The following TMC4 variants were observed in gnomAD, a reference collection of about 807,000 sequenced individuals.
The protein encoded by TMC4 is transmembrane channel like 4, also known as voltage-gated chloride channel TMC4.
In TMC4, 70 loss-of-function variants were observed where a neutral mutation model predicts 82.0. The ratio of observed to expected loss-of-function variants is 0.85; its 90% CI spans 0.70 to 1.04. TMC4 has a LOEUF of 1.04. Ranked by LOEUF, TMC4 falls within the 50% of genes least tolerant of loss-of-function variation. The pLI, the probability that TMC4 is intolerant of heterozygous loss-of-function variation, is 0.00. For synonymous variants in TMC4, 446 were observed against 406.0 expected (o/e 1.10, Z -1.18); for missense variants, 879 against 899.0 (o/e 0.98, Z 0.28).
Position 54,172,068 on chromosome 19 carries a change from G to A in TMC4, c.95C>T (p.Ser32Phe), listed in dbSNP as rs1323156729. 6.2e-7 allele frequency: 1 copy of A among 1,602,448 alleles called. No homozygotes were observed. The highest frequency in any genetic ancestry group is 8.5e-7 in the Non-Finnish European group (1 of 1,173,434). Residue 32 changes from serine to phenylalanine, a missense_variant, in exon 2 of 15, where the codon TCT (serine) becomes TTT (phenylalanine). Coordinates refer to ENST00000619895, the MANE Select transcript of TMC4 (RefSeq NM_144686.4). Reference sequence around the variant, plus strand: ...AGCACTGGGCAGCTCGTTCAGCACAGAAGACAGCGATGGGCCTGGGGAGGA... The same window carrying A: ...AGCACTGGGCAGCTCGTTCAGCACAAAAGACAGCGATGGGCCTGGGGAGGA... ...REARGGPSLSSVLNELPSAAT... is the reference protein window; with the variant it reads ...REARGGPSLSFVLNELPSAAT...
At chr19:54,163,186 C>T (rs1368857540) in intron 8 of TMC4, 27 bp from the exon 9 acceptor site, 2 of 1,613,386 alleles carry the variant, frequency 1.2e-6, no homozygotes, top group Non-Finnish European at 1.7e-6. Context: ...AGAGAATGGG[C>T]CCTGACCCGG....
chr19:54,162,686 G>A lies in TMC4; in HGVS notation c.1489C>T (p.Gln497Ter). Residue 497 changes from glutamine to a stop codon, truncating the protein, a stop_gained, in exon 10 of 15, where the codon CAG (glutamine) becomes TAG (stop). Coordinates refer to ENST00000619895, the MANE Select transcript of TMC4 (RefSeq NM_144686.4). LOFTEE classifies it high-confidence loss of function. Reference sequence around the variant, plus strand: ...CGGGGCTCTCACTTTCTAGGAAACTGGATGAGCAGCGCGACTGCCAAGACA... The same window carrying A: ...CGGGGCTCTCACTTTCTAGGAAACTAGATGAGCAGCGCGACTGCCAAGACA... ...LTVLAVALLIQFPRKLLCGLC... is the reference protein window; with the variant it reads ...LTVLAVALLI 2 of 1,613,846 alleles carry A rather than the reference G, an allele frequency of 1.2e-6. No homozygotes were observed. Among genetic ancestry groups the A allele is most frequent in the Non-Finnish European group, 1.7e-6 (2 of 1,179,902 alleles).
Position 54,160,920 on chromosome 19 carries a change from A to G in TMC4, c.1931T>C (p.Leu644Pro). The change falls in exon 13 of 15, where the codon CTG becomes CCG. Residue 644 changes from leucine to proline, a missense_variant. Physicochemically the swap from Leu to Pro is moderately conservative, Grantham distance 98. Coordinates refer to ENST00000619895, the MANE Select transcript of TMC4 (RefSeq NM_144686.4). The part of the protein sequence containing the change: ...PETTQNFLFF[L>P]GTQAFAVPLL... ...GGGCACAGCAAAAGCCTGGGTCCCC[A>G]GGAAGAAGAGGAAATTCTGGGTGGT... 1 of 1,614,146 alleles carries G rather than the reference A, an allele frequency of 6.2e-7. No homozygotes were observed. The highest frequency in any genetic ancestry group is 8.5e-7 in the Non-Finnish European group (1 of 1,180,032).
At position 54,168,694 on chromosome 19, in the gene TMC4, C is replaced by CAG. The variant is rs1403455283; in HGVS notation, c.443-16_443-15dup. On this transcript the variant is annotated splice_polypyrimidine_tract_variant and intron_variant, in intron 3 of 14. Coordinates refer to ENST00000619895, the MANE Select transcript of TMC4 (RefSeq NM_144686.4). ...CGCCAAACTGGCCTGCAGGGGGCAG[C>CAG]AGAGAGAGGCTCAGGTTCCTTCCCG... 1.6e-5 allele frequency: 23 copies of CAG among 1,479,226 alleles called. No individual in the cohort carries two copies. Among genetic ancestry groups the CAG allele is most frequent in the East Asian group, 5.2e-5 (2 of 38,822 alleles). 91.6% of individuals were successfully genotyped at this position (1,479,226 alleles called of 1,614,324 possible).
At position 54,162,113 on chromosome 19, in the gene TMC4, A is replaced by G; in HGVS notation, c.1675T>C (p.Tyr559His). Reference sequence around the variant, plus strand: ...CCCCTACCCCTTACCTTCTTCAGGTAGAAAAGCAGCAGGAACTTGACCGTG... The same window carrying G: ...CCCCTACCCCTTACCTTCTTCAGGTGGAAAAGCAGCAGGAACTTGACCGTG... Reference protein sequence around the residue: ...LNTVKFLLLFYLKKLTLFSTC... With the variant: ...LNTVKFLLLFHLKKLTLFSTC... Residue 559 changes from tyrosine (Y) to histidine (H), a missense_variant, in exon 11 of 15, where the codon TAC becomes CAC. Coordinates refer to ENST00000619895, the MANE Select transcript of TMC4 (RefSeq NM_144686.4). 1 of 1,612,596 alleles carries G rather than the reference A, an allele frequency of 6.2e-7. No homozygotes were observed. The highest frequency in any genetic ancestry group is 8.5e-7 in the Non-Finnish European group (1 of 1,179,242).
chr19:54,168,391 T>C (rs1430351642), intron 4 of TMC4, 57 bp downstream of exon 4: 6 of 1,515,756 alleles, frequency 4.0e-6, no homozygotes, highest in Admixed American at 2.1e-5. Context: ...GTTCGTGTCA[T>C]TGAAGGCACT....
intron 5 of TMC4, among the ~76,000 whole-genome samples, chr19:54,166,007 G>A (rs1423984048): frequency 1.3e-5 from 2 of 152,196 alleles, no homozygotes; most frequent in African/African-American, 4.8e-5. Flanking sequence ...AGAAGTACAG[G>A]CACACAGAGA....
rs373605028 is a variant in TMC4, at chr19:54,171,633, C to T, written c.293+237G>A. Among the ~76,000 whole-genome samples, 48 of 152,252 alleles carry T rather than the reference C, an allele frequency of 3.2e-4. No individual in the cohort carries two copies. In the East Asian group the frequency reaches 5.0e-3, roughly 16 times the overall value. On this transcript the variant is annotated intron_variant, in intron 2 of 14. Coordinates refer to ENST00000619895, the MANE Select transcript of TMC4 (RefSeq NM_144686.4). Reference sequence around the variant, plus strand: ...ACAGGATTGGTGGAGACCAGGGAGACGGCAAATCCCAGAGAGAAGAGACCC... The same window carrying T: ...ACAGGATTGGTGGAGACCAGGGAGATGGCAAATCCCAGAGAGAAGAGACCC...
intron 2 of TMC4, 126 bp downstream of exon 2, chr19:54,171,744 G>T: frequency 2.5e-6 from 2 of 802,772 alleles, no homozygotes; most frequent in South Asian, 1.9e-5. Flanking sequence ...AGGCAGCTCT[G>T]AGCGGGGCAG....
At chr19:54,162,948 C>T in intron 9 of TMC4, 85 bp downstream of exon 9, 1 of 1,602,674 alleles carries the variant, frequency 6.2e-7, no homozygotes, top group East Asian at 2.2e-5. Flanking sequence ...CTCCCCTCTC[C>T]GCCCAAACCA....
rs1402385270 is a variant in TMC4, at chr19:54,161,164, T to G, written c.1783A>C (p.Ile595Leu). The G allele has an allele frequency of 6.3e-7, 1 of 1,591,204 alleles. No homozygotes were observed. The highest frequency in any genetic ancestry group is 8.5e-7 in the Non-Finnish European group (1 of 1,170,850). The change falls in exon 12 of 15, where the codon ATC (isoleucine) becomes CTC (leucine). Residue 595 changes from isoleucine (I) to leucine (L), a missense_variant. Ile to Leu is a conservative substitution (Grantham distance 5). Transcript: ENST00000619895. ...CTGTAAAGCAGGGGAACGCTGGAGA[T>G]GGCCAGACCCAGGAGAAGGACCAAG... is the stretch of plus-strand genomic sequence containing the variant. Reference protein sequence around the residue: ...FPLVLLLGLAISSVPLLYSIF... With the variant: ...FPLVLLLGLALSSVPLLYSIF...
At position 54,172,096 on chromosome 19, in the gene TMC4, A is replaced by G. The variant is rs1263554646; in HGVS notation, c.80-13T>C. Reference sequence around the variant, plus strand: ...GACAGCGATGGGCCTGGGGAGGAGCAGGGGGCTGGGAAGACCCGGGAGTCT... The same window carrying G: ...GACAGCGATGGGCCTGGGGAGGAGCGGGGGGCTGGGAAGACCCGGGAGTCT... On this transcript the variant is annotated splice_polypyrimidine_tract_variant and intron_variant, in intron 1 of 14. Coordinates refer to ENST00000619895, the MANE Select transcript of TMC4 (RefSeq NM_144686.4). 5 of 1,545,714 alleles carry G rather than the reference A, an allele frequency of 3.2e-6. No homozygotes were observed. The highest frequency in any genetic ancestry group is 4.4e-6 in the Non-Finnish European group (5 of 1,143,362).
At chr19:54,168,145 G>T in intron 5 of TMC4, 26 bp downstream of exon 5, 2 of 1,591,142 alleles carry the variant, frequency 1.3e-6, no homozygotes, top group Non-Finnish European at 1.7e-6. Context: ...GTCCCGTCAG[G>T]GGTCAGGGGT....
chr19:54,170,640 C>G (rs996381382), intron 2 of TMC4, among the ~76,000 whole-genome samples: 2 of 151,776 alleles, frequency 1.3e-5, no homozygotes, highest in Admixed American at 1.3e-4. Flanking sequence ...TAATTTTTAT[C>G]TGATTTTTAC....
In TMC4 at chr19:54,173,149, C is replaced by A; in HGVS notation, c.-32G>T. 1 of 1,604,124 alleles carries A rather than the reference C, an allele frequency of 6.2e-7. No individual in the cohort carries two copies. The highest frequency in any genetic ancestry group is 8.5e-7 in the Non-Finnish European group (1 of 1,172,014). On this transcript the variant is annotated 5_prime_UTR_variant, in exon 1 of 15. Coordinates refer to ENST00000619895, the MANE Select transcript of TMC4 (RefSeq NM_144686.4). ...AGGCTGGGCTGTCTCTAGTGGCCAC[C>A]AGGCAGACACTGCCCCAGGTAAGGG...
At position 54,162,279 on chromosome 19, in the gene TMC4, G is replaced by T; in HGVS notation, c.1509C>A (p.Leu503=). 3.2e-6 allele frequency: 5 copies of T among 1,573,694 alleles called. No individual in the cohort carries two copies. Among genetic ancestry groups the T allele is most frequent in the Non-Finnish European group, 4.3e-6 (5 of 1,162,088 alleles). ...CCAGCGCCCCAGGACAGAGGCCACA[G>T]AGGAGCCTGAAGGACGGGGCGGGGC... ...ALLIQFPRKL[L]CGLCPGALGR... is the part of the protein sequence containing the mutation. The change falls in exon 11 of 15, where the codon CTC becomes CTA. Residue 503 remains leucine, a synonymous_variant. Transcript: ENST00000619895.
chr19:54,161,884 T>G (rs903735030), intron 11 of TMC4, among the ~76,000 whole-genome samples: 5 of 152,134 alleles, frequency 3.3e-5, no homozygotes, highest in Admixed American at 3.3e-4. Flanking sequence ...CTGAGCCCCT[T>G]CCTCATCTAG....
intron 3 of TMC4, 40 bp downstream of exon 3, chr19:54,169,472 C>A: frequency 1.3e-6 from 2 of 1,587,672 alleles, no homozygotes; most frequent in Admixed American, 1.7e-5. Context: ...CCCAGGAGTC[C>A]AGGCCCTGCC....
Position 54,169,464 on chromosome 19 carries a change from C to G in TMC4, c.442+48G>C, listed in dbSNP as rs1290897893. ...TCCCCAGCCCCTCCTCCCTCAGACC[C>G]AGGAGTCCAGGCCCTGCCCCCAGGA... On this transcript the variant is annotated intron_variant, in intron 3 of 14. Transcript: ENST00000619895. The G allele has an allele frequency of 2.6e-6, 4 of 1,566,826 alleles. No individual in the cohort carries two copies. In the Admixed American group the frequency reaches 7.3e-5, roughly 29 times the overall value.
Sources: gnomAD v4.1 joint callset for allele counts (sites outside exome capture counted in the v4.1 genomes callset) on GRCh38, gnomAD v4.1.1 for gene constraint, MANE v1.5 for transcripts, NCBI Gene and HGNC (gene_info 2026-07-23, HGNC 2026-07-21) for gene names.